The following MGAT3 variants were observed in gnomAD, a reference collection of about 807,000 sequenced individuals.
MGAT3 encodes beta-1,4-mannosyl-glycoprotein 4-beta-N-acetylglucosaminyltransferase.
MGAT3 carries 9 observed loss-of-function variants against 29.8 expected under a neutral mutation model. That is an observed-to-expected ratio of 0.30 (90% CI 0.18 to 0.53). The LOEUF is 0.53. Ranked by LOEUF, MGAT3 falls within the 20% of genes least tolerant of loss-of-function variation. The pLI is 0.96. For missense variants in MGAT3, 557 were observed against 769.5 expected (o/e 0.72, Z 3.27); for synonymous variants, 397 against 348.9 (o/e 1.14, Z -1.54).
At chr22:39,469,697 G>A (rs1601720999) in intron 1 of MGAT3, among the ~76,000 whole-genome samples, 2 of 152,340 alleles carry the variant, frequency 1.3e-5, no homozygotes, top group Admixed American at 6.5e-5. Context: ...GGGGAAGGGC[G>A]GGGAGCACCC....
chr22:39,460,976 A>T lies in MGAT3; in HGVS notation c.-2+3419A>T, dbSNP rs144020332. 6.0e-3 allele frequency among the ~76,000 whole-genome samples: 906 copies of T among 151,974 alleles called. 4 individuals are homozygous for T. Among genetic ancestry groups the T allele is most frequent in the Middle Eastern group, 0.014 (4 of 294 alleles). Reference sequence around the variant, plus strand: ...GAGATGTGTTGTTTACGTGTCCCTGATGTCTTCCTTTTCTGACTGAGTCCC... The same window carrying T: ...GAGATGTGTTGTTTACGTGTCCCTGTTGTCTTCCTTTTCTGACTGAGTCCC... On this transcript the variant is annotated intron_variant, in intron 1 of 1. Coordinates refer to ENST00000341184, the MANE Select transcript of MGAT3 (RefSeq NM_002409.5).
intron 1 of MGAT3, among the ~76,000 whole-genome samples, chr22:39,484,556 A>G (rs1484691952): frequency 6.6e-6 from 1 of 151,890 alleles, no homozygotes; most frequent in African/African-American, 2.4e-5. Flanking sequence ...TATTTTTAGT[A>G]GTGACAGGGT....
intron 1 of MGAT3, among the ~76,000 whole-genome samples, chr22:39,464,897 C>G (rs888029605): frequency 2.0e-5 from 3 of 151,822 alleles, no homozygotes; most frequent in Admixed American, 2.0e-4. Context: ...ACTACAGGCG[C>G]CTGCCACCAC....
rs200421675 is a variant in MGAT3 at position 39,459,078 on chromosome 22, T to A, written c.-2+1521T>A. Among the ~76,000 whole-genome samples, 3 of 14,390 alleles carry A rather than the reference T, an allele frequency of 2.1e-4. No individual in the cohort carries two copies. The Admixed American group carries it at 3.6e-3, about 17-fold the overall frequency. 9.4% of individuals were successfully genotyped at this position (14,390 alleles called of 152,430 possible). A position where few individuals can be genotyped will look rare whatever the true frequency, so the allele number is the denominator to read the frequency against. On this transcript the variant is annotated intron_variant, in intron 1 of 1. Transcript: ENST00000341184. ...TTTTCTTTTCTTTTCTTTTCTTTTT[T>A]TTTTTTTTTTTTTGAGATGGAGCCT...
At chr22:39,474,575 C>T (rs894975458) in intron 1 of MGAT3, among the ~76,000 whole-genome samples, 10 of 152,236 alleles carry the variant, frequency 6.6e-5, no homozygotes, top group Admixed American at 2.0e-4. Flanking sequence ...TGCACACTGG[C>T]CCAGCCCTCA....
At position 39,462,012 on chromosome 22, in the gene MGAT3, C is replaced by T. The variant is rs141085595; in HGVS notation, c.-2+4455C>T. ...TGACTCCCTGGTTCAAGTGATTCTCCTCCCTCAGCCTCCCGAGCAGCTGGG... is the reference window on the plus strand; with the variant it reads ...TGACTCCCTGGTTCAAGTGATTCTCTTCCCTCAGCCTCCCGAGCAGCTGGG... On this transcript the variant is annotated intron_variant, in intron 1 of 1. Coordinates refer to ENST00000341184, the MANE Select transcript of MGAT3 (RefSeq NM_002409.5). 5.9e-3 allele frequency among the ~76,000 whole-genome samples: 902 copies of T among 152,178 alleles called. 8 individuals carry two copies. Among genetic ancestry groups the T allele is most frequent in the African/African-American group, 0.021 (861 of 41,474 alleles).
intron 1 of MGAT3, among the ~76,000 whole-genome samples, chr22:39,462,066 T>C (rs926405652): frequency 6.6e-6 from 1 of 152,212 alleles, no homozygotes; most frequent in African/African-American, 2.4e-5. Context: ...CATGCCCAGC[T>C]AATTTTTGTA....
rs1309509897 is a variant in MGAT3 at position 39,490,197 on chromosome 22, CG to C, written c.*1250del. The C allele has an allele frequency of 6.0e-6, 1 of 167,146 alleles. No individual in the cohort carries two copies. The highest frequency in any genetic ancestry group is 2.1e-4 in the South Asian group (1 of 4,828). The allele number at this position is 167,146 out of a possible 1,614,324, so 10.4% of individuals were successfully genotyped here. A position where few individuals can be genotyped will look rare whatever the true frequency, so the allele number is the denominator to read the frequency against. ...GCACCTTCCAATTCTGGGTACACAGCGGCTGCTCCAGCGCCCACCCTCCTGT... is the reference window on the plus strand; with the variant it reads ...GCACCTTCCAATTCTGGGTACACAGCGCTGCTCCAGCGCCCACCCTCCTGT... On this transcript the variant is annotated 3_prime_UTR_variant, in exon 2 of 2. Coordinates refer to ENST00000341184, the MANE Select transcript of MGAT3 (RefSeq NM_002409.5).
At chr22:39,484,565 G>T (rs1303663137) in intron 1 of MGAT3, among the ~76,000 whole-genome samples, 2 of 151,954 alleles carry the variant, frequency 1.3e-5, no homozygotes, top group Non-Finnish European at 2.9e-5. Context: ...TAGTGACAGG[G>T]TTTCACAATG....
Position 39,488,801 on chromosome 22 carries a change from A to G in MGAT3, c.1454A>G (p.Lys485Arg). The change falls in exon 2 of 2, where the codon AAG becomes AGG. Residue 485 changes from lysine (K) to arginine (R), a missense_variant. Transcript: ENST00000341184. Reference protein sequence around the residue: ...ADPSEHMYAPKYLLKNYDRFH... With the variant: ...ADPSEHMYAPRYLLKNYDRFH... ...CCCAGCGAGCACATGTATGCGCCCA[A>G]GTACCTGCTGAAGAACTACGACCGG... 6.2e-7 allele frequency: 1 copy of G among 1,611,438 alleles called. No individual in the cohort carries two copies. Among genetic ancestry groups the G allele is most frequent in the African/African-American group, 1.3e-5 (1 of 75,012 alleles).
chr22:39,475,961 ATT>A (rs1928947627), intron 1 of MGAT3: 1 of 152,270 alleles, frequency 6.6e-6, no homozygotes, highest in Non-Finnish European at 1.5e-5. Context: ...AAACAAAAAC[ATT>A]ATGGAATGAG....
intron 1 of MGAT3, among the ~76,000 whole-genome samples, chr22:39,460,872 G>A (rs1032105737): frequency 6.6e-6 from 1 of 152,134 alleles, no homozygotes; most frequent in African/African-American, 2.4e-5. Context: ...ATAGTTTCCA[G>A]TGGCCATTTA....
At chr22:39,469,393 C>T (rs112281235) in intron 1 of MGAT3, among the ~76,000 whole-genome samples, 5 of 152,186 alleles carry the variant, frequency 3.3e-5, no homozygotes, top group Admixed American at 2.0e-4. Flanking sequence ...ATGCCCACTG[C>T]CCTCCTTGCT....
At chr22:39,465,838 A>G (rs1928628890) in intron 1 of MGAT3, among the ~76,000 whole-genome samples, 1 of 151,812 alleles carries the variant, frequency 6.6e-6, no homozygotes, top group South Asian at 2.1e-4. Flanking sequence ...AGGCTGAGGC[A>G]GGAGAGTCAC....
At chr22:39,458,614 C>A (rs750374281) in intron 1 of MGAT3, among the ~76,000 whole-genome samples, 2 of 152,082 alleles carry the variant, frequency 1.3e-5, no homozygotes. Context: ...CTAAGGGGAG[C>A]CGCTCTGGGT....
chr22:39,465,047 G>C (rs940941535), intron 1 of MGAT3, among the ~76,000 whole-genome samples: 11 of 152,102 alleles, frequency 7.2e-5, no homozygotes, highest in Non-Finnish European at 1.0e-4. Context: ...GAGCCACCAC[G>C]CCCGGCCTCT....
intron 1 of MGAT3, among the ~76,000 whole-genome samples, chr22:39,466,470 C>G (rs1423164079): frequency 6.6e-6 from 1 of 152,188 alleles, no homozygotes; most frequent in Non-Finnish European, 1.5e-5. Context: ...CGGGGCTGGT[C>G]CAGCCTCTTT....
intron 1 of MGAT3, among the ~76,000 whole-genome samples, chr22:39,458,161 G>T (rs928137193): frequency 1.3e-5 from 2 of 152,214 alleles, no homozygotes; most frequent in Admixed American, 6.5e-5. Flanking sequence ...TGCCCAGGGC[G>T]GGGGAGGGAA....
chr22:39,457,104 C>A lies in MGAT3; in HGVS notation c.-455C>A, dbSNP rs1206913334. ...CGGCCGGAGTCTGCGGTGCGAGGCG[C>A]CCCCGGCCCGGCGCGGCGGCGGAGC... On this transcript the variant is annotated 5_prime_UTR_variant, in exon 1 of 2. Transcript: ENST00000341184. The surrounding 1 kb of genome is among the most constrained non-coding windows in gnomAD (Gnocchi z 6.8). 2.0e-5 allele frequency among the ~76,000 whole-genome samples: 3 copies of A among 146,980 alleles called. No individual in the cohort carries two copies. The highest frequency in any genetic ancestry group is 3.0e-5 in the Non-Finnish European group (2 of 66,064).
Sources: allele counts gnomAD v4.1 joint callset (sites outside exome capture counted in the v4.1 genomes callset), GRCh38; gene constraint gnomAD v4.1.1; non-coding constraint Gnocchi (gnomAD v3.1); transcripts MANE v1.5; gene names NCBI Gene and HGNC (gene_info 2026-07-23, HGNC 2026-07-21).